The following CSMD3 variants were observed in gnomAD, a reference collection of about 807,000 sequenced individuals.
The protein encoded by CSMD3 is CUB and Sushi multiple domains 3, also known as CUB and sushi domain-containing protein 3.
A neutral mutation model predicts 435.2 loss-of-function variants in CSMD3; 177 were observed. The ratio of observed to expected loss-of-function variants is 0.41; its 90% confidence interval spans 0.36 to 0.46. The LOEUF is 0.46. CSMD3 is among the 20% of genes least tolerant of loss of function. CSMD3 has a pLI of 0.34. For synonymous variants in CSMD3, 1,656 were observed against 1,520.5 expected (o/e 1.09, Z -2.07); for missense variants, 4,265 against 4,504.6 (o/e 0.95, Z 1.52).
chr8:113,088,703 A>T (rs2089894712), intron 5 of CSMD3, among the ~76,000 whole-genome samples: 1 of 111,280 alleles, frequency 9.0e-6, no homozygotes, highest in African/African-American at 3.5e-5. Context: ...CACTCTGGGG[A>T]CTGCTGTGGG....
At chr8:112,325,340 G>T (rs1563791687) in intron 45 of CSMD3, among the ~76,000 whole-genome samples, 2 of 151,870 alleles carry the variant, frequency 1.3e-5, no homozygotes, top group Non-Finnish European at 2.9e-5. Context: ...TATCTTCCTA[G>T]CTCTTTTATA....
chr8:113,202,892 T>C (rs2092729365), intron 3 of CSMD3, among the ~76,000 whole-genome samples: 1 of 152,118 alleles, frequency 6.6e-6, no homozygotes, highest in Non-Finnish European at 1.5e-5. Context: ...TCAATACATT[T>C]TTCACCTGAG....
At chr8:113,309,592 C>T (rs1476433021) in intron 2 of CSMD3, 1 of 152,188 alleles carries the variant, frequency 6.6e-6, no homozygotes, top group Non-Finnish European at 1.5e-5. Flanking sequence ...CATTTCTAAT[C>T]CATGGACGTT....
chr8:113,284,377 A>G (rs550478866), intron 2 of CSMD3, among the ~76,000 whole-genome samples: 5 of 152,308 alleles, frequency 3.3e-5, no homozygotes, highest in African/African-American at 1.2e-4. Context: ...ACAATTTCTT[A>G]TTCACACTAA....
intron 9 of CSMD3, among the ~76,000 whole-genome samples, chr8:112,940,936 T>C (rs2130765214): frequency 6.6e-6 from 1 of 151,940 alleles, no homozygotes; most frequent in South Asian, 2.1e-4. Context: ...ATTAATTACA[T>C]TTATTGAGCT....
intron 60 of CSMD3, among the ~76,000 whole-genome samples, chr8:112,264,090 G>A (rs1477035089): frequency 6.6e-6 from 1 of 152,032 alleles, no homozygotes; most frequent in East Asian, 1.9e-4. Context: ...GGCAAACAGA[G>A]GGTGACCTTC....
intron 3 of CSMD3, among the ~76,000 whole-genome samples, chr8:113,187,320 C>G (rs2092520981): frequency 6.6e-6 from 1 of 151,792 alleles, no homozygotes; most frequent in Non-Finnish European, 1.5e-5. Flanking sequence ...GAGATCACCA[C>G]TGGAGTAAAG....
At chr8:113,427,554 C>T (rs1465152799) in intron 1 of CSMD3, among the ~76,000 whole-genome samples, 1 of 151,068 alleles carries the variant, frequency 6.6e-6, no homozygotes, top group Non-Finnish European at 1.5e-5. Flanking sequence ...CAGGTAAAGA[C>T]TGGTTTTCAC....
At chr8:112,283,629 T>C (rs1453625055) in intron 58 of CSMD3, among the ~76,000 whole-genome samples, 1 of 151,652 alleles carries the variant, frequency 6.6e-6, no homozygotes, top group Non-Finnish European at 1.5e-5. Flanking sequence ...AAGGTATCTT[T>C]CTATCATAAA....
intron 45 of CSMD3, among the ~76,000 whole-genome samples, chr8:112,326,684 C>T (rs1338432124): frequency 2.0e-5 from 3 of 152,292 alleles, no homozygotes; most frequent in African/African-American, 4.8e-5. Context: ...CTTCCCAGAA[C>T]GTATCTAACC....
At chr8:112,381,793 T>C (rs1181604487) in intron 37 of CSMD3, among the ~76,000 whole-genome samples, 1 of 152,138 alleles carries the variant, frequency 6.6e-6, no homozygotes, top group African/African-American at 2.4e-5. Context: ...TGGGTCCCAA[T>C]CTCATTCTAA....
At chr8:113,340,815 A>G (rs563535390) in intron 1 of CSMD3, among the ~76,000 whole-genome samples, 16 of 151,850 alleles carry the variant, frequency 1.1e-4, no homozygotes, top group African/African-American at 3.9e-4. Flanking sequence ...GTTGCAGTGA[A>G]CTGAGATTGT....
chr8:112,694,540 T>A (rs1239549126), intron 13 of CSMD3, among the ~76,000 whole-genome samples: 1 of 152,088 alleles, frequency 6.6e-6, no homozygotes, highest in Non-Finnish European at 1.5e-5. Flanking sequence ...AATACAACAC[T>A]CTTTAAAATT....
At chr8:112,287,754 T>A (rs528217677) in intron 57 of CSMD3, among the ~76,000 whole-genome samples, 5 of 152,270 alleles carry the variant, frequency 3.3e-5, no homozygotes, top group African/African-American at 1.2e-4. Flanking sequence ...TTTCTCTCTC[T>A]TATTTTCTCT....
At chr8:112,964,326 CT>C (rs2084338755) in intron 7 of CSMD3, among the ~76,000 whole-genome samples, 1 of 151,792 alleles carries the variant, frequency 6.6e-6, no homozygotes, top group South Asian at 2.1e-4. Context: ...TTAGTGTATC[CT>C]ATCCTAATTT....
chr8:113,026,111 C>T (rs1436956001), intron 5 of CSMD3, among the ~76,000 whole-genome samples: 1 of 152,126 alleles, frequency 6.6e-6, no homozygotes, highest in African/African-American at 2.4e-5. Flanking sequence ...CCAGGAAGCT[C>T]CCCAAACTAC....
chr8:112,667,317 G>A (rs540910349), intron 16 of CSMD3, among the ~76,000 whole-genome samples: 7 of 152,130 alleles, frequency 4.6e-5, no homozygotes, highest in Non-Finnish European at 1.0e-4. Context: ...CTGTCCAGTT[G>A]CATAAACTAG....
intron 32 of CSMD3, among the ~76,000 whole-genome samples, chr8:112,471,082 T>G (rs1818476420): frequency 6.6e-6 from 1 of 152,158 alleles, no homozygotes; most frequent in African/African-American, 2.4e-5. Flanking sequence ...CTTTCTCTTT[T>G]TGAGCATACA....
chr8:112,305,460 T>C (rs1466651262), intron 51 of CSMD3, among the ~76,000 whole-genome samples: 1 of 152,102 alleles, frequency 6.6e-6, no homozygotes, highest in African/African-American at 2.4e-5. Flanking sequence ...TTCACATCAA[T>C]ATTTTCTATT....
Sources: allele counts gnomAD v4.1 joint callset (sites outside exome capture counted in the v4.1 genomes callset), GRCh38; gene constraint gnomAD v4.1.1; transcripts MANE v1.5; gene names NCBI Gene and HGNC (gene_info 2026-07-23, HGNC 2026-07-21).